The following MAPK10 variants were observed in gnomAD, a reference collection of about 807,000 sequenced individuals.
The protein encoded by MAPK10 is JNK3 alpha protein kinase.
A neutral mutation model predicts 59.3 loss-of-function variants in MAPK10; 25 were observed. That is an observed-to-expected ratio of 0.42 (90% CI 0.31 to 0.59). The LOEUF (loss-of-function observed/expected upper bound fraction) is 0.59, where lower values mean the gene tolerates loss of function less well. Among genes scored for constraint, MAPK10 ranks in the 20% least tolerant of loss-of-function variants. MAPK10 has a pLI of 0.15. For missense variants in MAPK10, 351 were observed against 568.9 expected (o/e 0.62, Z 3.90); for synonymous variants, 190 against 200.5 (o/e 0.95, Z 0.44).
At chr4:86,547,411 G>GC (rs1321639706) in intron 1 of MAPK10, among the ~76,000 whole-genome samples, 2 of 152,224 alleles carry the variant, frequency 1.3e-5, no homozygotes, top group East Asian at 1.9e-4. Flanking sequence ...CGGCCCCACC[G>GC]CCCGGGGCAG....
At chr4:86,168,414 G>A (rs556340959) in intron 3 of MAPK10, among the ~76,000 whole-genome samples, 50 of 152,322 alleles carry the variant, frequency 3.3e-4, no homozygotes, top group Non-Finnish European at 3.1e-4. Context: ...ATTATATCCC[G>A]CACCTGGCTT....
chr4:86,507,433 A>G (rs1469569662), intron 1 of MAPK10, among the ~76,000 whole-genome samples: 1 of 151,062 alleles, frequency 6.6e-6, no homozygotes, highest in Non-Finnish European at 1.5e-5. Context: ...TATCCACCAA[A>G]AACAAAACTA....
At chr4:86,383,961 CT>C (rs1741106665) in intron 1 of MAPK10, 1 of 152,128 alleles carries the variant, frequency 6.6e-6, no homozygotes, top group South Asian at 2.1e-4. Flanking sequence ...TCTCTTTGCT[CT>C]CATTCTTCGA....
At chr4:86,188,825 A>G (rs916893878) in intron 3 of MAPK10, among the ~76,000 whole-genome samples, 8 of 152,204 alleles carry the variant, frequency 5.3e-5, no homozygotes, top group Admixed American at 5.2e-4. Context: ...GCCCATGCCT[A>G]TGTCCTGAAT....
At chr4:86,585,002 A>T (rs1337465671) in intron 1 of MAPK10, among the ~76,000 whole-genome samples, 30 of 152,202 alleles carry the variant, frequency 2.0e-4, no homozygotes, top group Admixed American at 2.0e-3. Flanking sequence ...AATCCAATTC[A>T]AGCTGCTATT....
At chr4:86,027,258 G>A (rs1402119673) in intron 13 of MAPK10, 2 of 152,056 alleles carry the variant, frequency 1.3e-5, no homozygotes, top group African/African-American at 4.8e-5. Context: ...TATAGTTTAG[G>A]GCATATGTAT....
At chr4:86,306,513 T>A (rs2095571174) in intron 2 of MAPK10, among the ~76,000 whole-genome samples, 1 of 152,228 alleles carries the variant, frequency 6.6e-6, no homozygotes, top group Non-Finnish European at 1.5e-5. Context: ...AAAACTACTT[T>A]GAATGAATGT....
At chr4:86,047,045 T>C (rs544450758) in intron 11 of MAPK10, among the ~76,000 whole-genome samples, 1 of 152,220 alleles carries the variant, frequency 6.6e-6, no homozygotes, top group East Asian at 1.9e-4. Context: ...TTTTTTTCTT[T>C]TTGTTTTTGT....
intron 2 of MAPK10, among the ~76,000 whole-genome samples, chr4:86,344,695 C>T (rs1438759476): frequency 2.0e-5 from 3 of 152,082 alleles, no homozygotes; most frequent in African/African-American, 7.2e-5. Context: ...GATATTTAAT[C>T]TTCCAAGACT....
intron 1 of MAPK10, among the ~76,000 whole-genome samples, chr4:86,458,813 C>T (rs1023707795): frequency 7.9e-5 from 12 of 152,190 alleles, no homozygotes; most frequent in Admixed American, 7.9e-4. Flanking sequence ...ACTAGAAATT[C>T]TAGAAGATGG....
rs149882846 is a variant in MAPK10 at position 86,428,660 on chromosome 4, C to T, written c.-122+24370G>A. On this transcript the variant is annotated intron_variant, in intron 1 of 13. Coordinates refer to the MAPK10 transcript ENST00000361569. ...TTGTCCCTCTGCCTTGAGAAAAGTG[C>T]TATGTTTTTTCAAAAATAGAAATGG... Among the ~76,000 whole-genome samples the T allele has an allele frequency of 6.1e-3, 922 of 152,220 alleles. 7 individuals are homozygous for T. Among genetic ancestry groups the T allele is most frequent in the African/African-American group, 0.02 (822 of 41,532 alleles).
chr4:86,471,801 C>T (rs1409425458), intron 1 of MAPK10, among the ~76,000 whole-genome samples: 3 of 151,886 alleles, frequency 2.0e-5, no homozygotes, highest in Non-Finnish European at 4.4e-5. Flanking sequence ...AAAGAGAAAC[C>T]CAGGTGATTT....
intron 9 of MAPK10, among the ~76,000 whole-genome samples, chr4:86,083,469 C>G (rs1242767077): frequency 3.3e-5 from 5 of 152,130 alleles, no homozygotes; most frequent in Non-Finnish European, 7.4e-5. Context: ...CAGCTGACAC[C>G]TGCCCACGGA....
chr4:86,394,338 A>C (rs533079039), intron 1 of MAPK10, among the ~76,000 whole-genome samples: 7 of 152,288 alleles, frequency 4.6e-5, no homozygotes, highest in African/African-American at 1.4e-4. Flanking sequence ...GAGCAAATAA[A>C]AATATGTCAT....
intron 4 of MAPK10, among the ~76,000 whole-genome samples, chr4:86,137,292 G>C (rs148510353): frequency 0.04 from 6,042 of 149,712 alleles, 435 homozygotes; most frequent in African/African-American, 0.14. Flanking sequence ...AAGTAAAGCT[G>C]TCCTCAGCAA....
chr4:86,199,715 T>G (rs1339207336), intron 2 of MAPK10, among the ~76,000 whole-genome samples: 2 of 151,986 alleles, frequency 1.3e-5, no homozygotes, highest in Non-Finnish European at 2.9e-5. Context: ...TTTAAGCATA[T>G]GAAACATATA....
intron 8 of MAPK10, chr4:86,100,161 A>C (rs2055070086): frequency 6.6e-6 from 1 of 152,196 alleles, no homozygotes; most frequent in Admixed American, 6.5e-5. Flanking sequence ...ATAGAATATA[A>C]AAATAAATAT....
intron 1 of MAPK10, among the ~76,000 whole-genome samples, chr4:86,401,646 T>C (rs1743741486): frequency 6.6e-6 from 1 of 152,164 alleles, no homozygotes; most frequent in Admixed American, 6.5e-5. Context: ...TGCAGACAAT[T>C]CTATAATCTC....
At chr4:86,144,395 G>T (rs759332086) in intron 4 of MAPK10, among the ~76,000 whole-genome samples, 1 of 151,954 alleles carries the variant, frequency 6.6e-6, no homozygotes, top group African/African-American at 2.4e-5. Flanking sequence ...CATTGTCAGG[G>T]CTCTTTGAGC....
Sources: allele counts gnomAD v4.1 joint callset (sites outside exome capture counted in the v4.1 genomes callset), GRCh38; gene constraint gnomAD v4.1.1; transcripts MANE v1.5; gene names NCBI Gene and HGNC (gene_info 2026-07-23, HGNC 2026-07-21).